The following ZNF773 variants were observed in gnomAD, a reference collection of about 807,000 sequenced individuals.
The protein encoded by ZNF773 is zinc finger protein 419B.
ZNF773 carries 11 observed loss-of-function variants against 12.8 expected under a neutral mutation model. The observed-to-expected ratio is 0.86, with a 90% CI of 0.54 to 1.42. The LOEUF (loss-of-function observed/expected upper bound fraction) is 1.42, where lower values mean the gene tolerates loss of function less well. Ranked by LOEUF, ZNF773 falls within the 40% of genes most tolerant of loss-of-function variation. The probability of loss-of-function intolerance (pLI) is 0.00; values close to 1 mark genes in which losing one functional copy is unlikely to be tolerated. For missense variants in ZNF773, 518 were observed against 527.2 expected (o/e 0.98, Z 0.17); for synonymous variants, 175 against 178.4 (o/e 0.98, Z 0.15).
At chr19:57,505,486 T>A in intron 3 of ZNF773, 86 bp downstream of exon 3, 1 of 1,450,994 alleles carries the variant, frequency 6.9e-7, no homozygotes, top group African/African-American at 1.4e-5. Context: ...GCCCAGATAT[T>A]TTGATACCAA....
chr19:57,512,859 G>T (rs568234957), downstream of ZNF773: 29 of 640,534 alleles, frequency 4.5e-5, no homozygotes, highest in Middle Eastern at 4.5e-4. Flanking sequence ...AAATCAAGCA[G>T]CTGACCAACT....
At position 57,500,037 on chromosome 19, in the gene ZNF773, C is replaced by T. The variant is rs1222578704; in HGVS notation, c.-44C>T. 1 of 1,551,272 alleles carries T rather than the reference C, an allele frequency of 6.4e-7. No individual in the cohort carries two copies. The highest frequency in any genetic ancestry group is 8.7e-7 in the Non-Finnish European group (1 of 1,149,900). On this transcript the variant is annotated 5_prime_UTR_variant, in exon 1 of 4. Transcript: ENST00000282292. The stretch of plus-strand genomic sequence containing the variant: ...GGCTCGGTGGCGGCGCCCAGGGTGG[C>T]CCGGGCCCTTTCCTCGGTCGTTGTC...
downstream of ZNF773, chr19:57,508,540 G>T: frequency 1.4e-6 from 1 of 700,428 alleles, no homozygotes; most frequent in Non-Finnish European, 2.6e-6. Flanking sequence ...TAACAGGTCG[G>T]CAAATCTCCT....
intron 1 of ZNF773, among the ~76,000 whole-genome samples, chr19:57,504,085 C>G (rs1176487077): frequency 6.6e-6 from 1 of 152,164 alleles, no homozygotes; most frequent in Non-Finnish European, 1.5e-5. Flanking sequence ...GAAGGTGAAG[C>G]AACAAAAAGA....
chr19:57,514,902 A>T (rs1568584746), downstream of ZNF773: 1 of 152,190 alleles, frequency 6.6e-6, no homozygotes, highest in Non-Finnish European at 1.5e-5. Flanking sequence ...ATCACTCATC[A>T]CAAGCCTATT....
At chr19:57,516,335 C>T (rs564478616), downstream of ZNF773, 16 of 154,424 alleles carry the variant, frequency 1.0e-4, no homozygotes, top group South Asian at 9.1e-4. Flanking sequence ...ATATCCTGTG[C>T]GGTATGTTTT....
At position 57,506,782 on chromosome 19, in the gene ZNF773, C is replaced by A. The variant is rs778913341; in HGVS notation, c.687C>A (p.Ser229Arg). 2.2e-5 allele frequency: 35 copies of A among 1,614,020 alleles called. No homozygotes were observed. Among genetic ancestry groups the A allele is most frequent in the Non-Finnish European group, 2.7e-5 (32 of 1,180,022 alleles). ...YECSECGKLF[S>R]HKSNLFIHQI... ...GCAGTGAATGTGGGAAGTTATTTAG[C>A]CATAAGTCCAACCTTTTTATACACC... is the stretch of plus-strand genomic sequence containing the variant. Residue 229 changes from serine (S) to arginine (R), a missense_variant, in exon 4 of 4, where the codon AGC (serine) becomes AGA (arginine). Coordinates refer to ENST00000282292, the MANE Select transcript of ZNF773 (RefSeq NM_198542.3).
intron 1 of ZNF773, among the ~76,000 whole-genome samples, chr19:57,503,307 A>G (rs1311214287): frequency 6.6e-6 from 1 of 152,152 alleles, no homozygotes; most frequent in East Asian, 1.9e-4. Flanking sequence ...ATAAGGGAGA[A>G]TGTATAGGGG....
chr19:57,501,669 C>G (rs367654269), intron 1 of ZNF773, among the ~76,000 whole-genome samples: 1 of 152,272 alleles, frequency 6.6e-6, no homozygotes, highest in Admixed American at 6.5e-5. Context: ...CCAGGCTAGA[C>G]GAGGGGGCTT....
At chr19:57,502,006 A>G (rs568071785) in intron 1 of ZNF773, among the ~76,000 whole-genome samples, 2 of 152,184 alleles carry the variant, frequency 1.3e-5, no homozygotes, top group South Asian at 4.2e-4. Context: ...GCAATGGTAC[A>G]ATCTCGGCTC....
chr19:57,505,421 A>G lies in ZNF773; in HGVS notation c.262+21A>G, dbSNP rs2089718675. On this transcript the variant is annotated intron_variant, in intron 3 of 3. Coordinates refer to ENST00000282292, the MANE Select transcript of ZNF773 (RefSeq NM_198542.3). ...GAGAGGTACTTGGTGGGTGGAGCTC[A>G]GGGAGGTATGAACTCGGGTATGGGT... 1.9e-6 allele frequency: 3 copies of G among 1,613,792 alleles called. No homozygotes were observed. In the African/African-American group the frequency reaches 4.0e-5, roughly 22 times the overall value.
chr19:57,513,791 A>G (rs1216512247), downstream of ZNF773: 1 of 152,262 alleles, frequency 6.6e-6, no homozygotes, highest in Non-Finnish European at 1.5e-5. Flanking sequence ...ACATGATTTG[A>G]GAGCTATTAA....
chr19:57,517,188 A>T (rs1003806429), downstream of ZNF773: 4 of 152,232 alleles, frequency 2.6e-5, no homozygotes, highest in African/African-American at 9.6e-5. Flanking sequence ...GCAAAAAAGG[A>T]CCAACTCCGG....
chr19:57,501,795 C>T (rs1342273133), intron 1 of ZNF773, among the ~76,000 whole-genome samples: 3 of 152,110 alleles, frequency 2.0e-5, no homozygotes, highest in African/African-American at 7.2e-5. Flanking sequence ...ATGTCTCAGG[C>T]CCTCACCCTC....
intron 3 of ZNF773, 26 bp from the exon 4 acceptor site, chr19:57,506,332 C>T (rs1248908917): frequency 1.3e-6 from 2 of 1,589,048 alleles, no homozygotes; most frequent in Non-Finnish European, 1.7e-6. Flanking sequence ...ACTACATTTA[C>T]TTCATCAACA....
At chr19:57,511,512 A>C (rs2089795743), downstream of ZNF773, among the ~76,000 whole-genome samples, 4 of 152,332 alleles carry the variant, frequency 2.6e-5, no homozygotes, top group South Asian at 8.3e-4. Context: ...CTCTATTGTC[A>C]ATCTCTTTTC....
downstream of ZNF773, among the ~76,000 whole-genome samples, chr19:57,509,279 T>C (rs55886176): frequency 0.21 from 31,472 of 152,200 alleles, 3,377 homozygotes; most frequent in African/African-American, 0.25. Context: ...CTTAGGAATC[T>C]TTTTAAATAT....
chr19:57,510,335 C>T (rs1202401481), downstream of ZNF773, among the ~76,000 whole-genome samples: 5 of 152,116 alleles, frequency 3.3e-5, no homozygotes, highest in South Asian at 6.2e-4. Flanking sequence ...ATTCAAAACT[C>T]GGTTATGATA....
Position 57,500,075 on chromosome 19 carries a change from G to T in ZNF773, c.-6G>T, listed in dbSNP as rs2089651108. ...CTCGGTCGTTGTCTCACCGCCACAG[G>T]CTCCGATGGCGGCGGCCACGCTGAG... On this transcript the variant is annotated 5_prime_UTR_variant, in exon 1 of 4. Transcript: ENST00000282292. The T allele has an allele frequency of 1.2e-6, 2 of 1,601,568 alleles. No homozygotes were observed. The highest frequency in any genetic ancestry group is 1.7e-6 in the Non-Finnish European group (2 of 1,175,748).
Sources: allele counts gnomAD v4.1 joint callset (sites outside exome capture counted in the v4.1 genomes callset), GRCh38; gene constraint gnomAD v4.1.1; transcripts MANE v1.5; gene names NCBI Gene and HGNC (gene_info 2026-07-23, HGNC 2026-07-21).